PCDHGB6: variants seen among roughly 807,000 people sequenced by gnomAD.
PCDHGB6 encodes protocadherin gamma-B6.
In PCDHGB6, 51 loss-of-function variants were observed where a neutral mutation model predicts 59.1. The observed-to-expected ratio is 0.86, with a 90% CI of 0.69 to 1.09. The LOEUF is 1.09. Ranked by LOEUF, PCDHGB6 falls within the 50% of genes least tolerant of loss-of-function variation. The probability of loss-of-function intolerance (pLI) is 0.00; values close to 1 mark genes in which losing one functional copy is unlikely to be tolerated. For missense variants in PCDHGB6, 1,148 were observed against 1,205.1 expected, an observed-to-expected ratio of 0.95 and a Z score of 0.70; for synonymous variants, 466 against 495.1, an observed-to-expected ratio of 0.94 and a Z score of 0.78.
chr5:141,445,363 T>C (rs186841717), intron 1 of PCDHGB6, among the ~76,000 whole-genome samples: 9 of 152,284 alleles, frequency 5.9e-5, no homozygotes. Context: ...CCAAGTCTGG[T>C]CCTGGGTGGT....
rs1478890031 is a variant in PCDHGB6, at chr5:141,478,689, C to G, written c.2419-16118C>G. On this transcript the variant is annotated intron_variant, in intron 1 of 3. Coordinates refer to ENST00000520790, the MANE Select transcript of PCDHGB6 (RefSeq NM_018926.3). Reference sequence around the variant, plus strand: ...CACTTTCAACTGGCCCTTCCTAGATCAAAGTTAGTGCCTTTGTGAGATGGT... The same window carrying G: ...CACTTTCAACTGGCCCTTCCTAGATGAAAGTTAGTGCCTTTGTGAGATGGT... 3 of 1,550,866 alleles carry G rather than the reference C, an allele frequency of 1.9e-6. No homozygotes were observed. In the African/African-American group the frequency reaches 4.1e-5, roughly 21 times the overall value.
intron 1 of PCDHGB6, chr5:141,423,627 C>T (rs925883716): frequency 6.2e-7 from 1 of 1,604,886 alleles, no homozygotes; most frequent in African/African-American, 1.3e-5. Context: ...ACTCAGCTAT[C>T]ATTTTAGGCA....
chr5:141,497,211 G>C (rs914346878), intron 2 of PCDHGB6, among the ~76,000 whole-genome samples: 19 of 28,538 alleles, frequency 6.7e-4, no homozygotes, highest in African/African-American at 2.3e-3. Flanking sequence ...GAGTGTAATG[G>C]GGGGGGGAAG....
chr5:141,507,365 C>G (rs1279257057), intron 3 of PCDHGB6: 1 of 152,092 alleles, frequency 6.6e-6, no homozygotes, highest in African/African-American at 2.4e-5. Context: ...ACTGGGAGCC[C>G]TGTACTTTTA....
chr5:141,450,815 A>AT (rs1554136868), intron 1 of PCDHGB6, among the ~76,000 whole-genome samples: 4,329 of 126,688 alleles, frequency 0.034, 70 homozygotes, highest in Middle Eastern at 0.091. Flanking sequence ...TATTTATTTA[A>AT]TATTATTATT....
At chr5:141,415,737 A>G in intron 1 of PCDHGB6, 1 of 574,948 alleles carries the variant, frequency 1.7e-6, no homozygotes, top group Non-Finnish European at 2.5e-6. Flanking sequence ...GATGTTTATT[A>G]AGGTTTTTTT....
Position 141,449,530 on chromosome 5 carries a change from A to G in PCDHGB6, c.2418+38910A>G, listed in dbSNP as rs2098641850. On this transcript the variant is annotated intron_variant, in intron 1 of 3. Transcript: ENST00000520790. ...CTTGAACCTGGGAGGCGGAGGTTGC[A>G]GTGAGCCGAGATCGCACCACTGCAC... Among the ~76,000 whole-genome samples, 4 of 149,684 alleles carry G rather than the reference A, an allele frequency of 2.7e-5. No individual in the cohort carries two copies. The South Asian group carries it at 8.5e-4, about 32-fold the overall frequency.
At chr5:141,450,676 G>A (rs1174388119) in intron 1 of PCDHGB6, among the ~76,000 whole-genome samples, 5 of 151,796 alleles carry the variant, frequency 3.3e-5, no homozygotes, top group African/African-American at 7.3e-5. Flanking sequence ...TAGTAGAAAC[G>A]GGGTTTTGCC....
chr5:141,414,421 A>AGGGAACAG (rs1486483287), intron 1 of PCDHGB6: 1 of 1,613,776 alleles, frequency 6.2e-7, no homozygotes, highest in Non-Finnish European at 8.5e-7. Context: ...AGCCCTTGAC[A>AGGGAACAG]GGGAACAGGT....
intron 1 of PCDHGB6, among the ~76,000 whole-genome samples, chr5:141,444,395 T>A (rs960583048): frequency 1.3e-5 from 2 of 151,996 alleles, no homozygotes; most frequent in Non-Finnish European, 2.9e-5. Context: ...AGTCTTGAAC[T>A]CCCAACCTCA....
intron 1 of PCDHGB6, chr5:141,419,854 A>G: frequency 1.9e-6 from 3 of 1,614,078 alleles, no homozygotes; most frequent in Non-Finnish European, 2.5e-6. Flanking sequence ...TGGTGTTCGC[A>G]GATAGCTTGC....
At chr5:141,510,525 G>A (rs545854649) in intron 3 of PCDHGB6, among the ~76,000 whole-genome samples, 1 of 152,316 alleles carries the variant, frequency 6.6e-6, no homozygotes, top group African/African-American at 2.4e-5. Context: ...ACAGCCCTGA[G>A]AGAAATACCA....
rs750200042 is a variant in PCDHGB6, at chr5:141,418,821, C to A, written c.2418+8201C>A. On this transcript the variant is annotated intron_variant, in intron 1 of 3. Coordinates refer to ENST00000520790, the MANE Select transcript of PCDHGB6 (RefSeq NM_018926.3). ...GAAAGATATACGATAAACATAGAAG[C>A]AAAAGACCGAGGATCTCTCTCAACA... 8.1e-6 allele frequency: 13 copies of A among 1,613,846 alleles called. 1 individual carries two copies. The highest frequency in any genetic ancestry group is 1.6e-4 in the Middle Eastern group (1 of 6,062).
chr5:141,415,837 A>G (rs1232795581), intron 1 of PCDHGB6: 1 of 1,272,340 alleles, frequency 7.9e-7, no homozygotes, highest in Admixed American at 4.0e-5. Flanking sequence ...TGTTATGATT[A>G]GCTTTGCAGA....
chr5:141,485,866 C>T lies in PCDHGB6; in HGVS notation c.2419-8941C>T. The T allele has an allele frequency of 2.5e-6, 4 of 1,614,144 alleles. No individual in the cohort carries two copies. Among genetic ancestry groups the T allele is most frequent in the Non-Finnish European group, 3.4e-6 (4 of 1,180,014 alleles). On this transcript the variant is annotated intron_variant, in intron 1 of 3. Coordinates refer to ENST00000520790, the MANE Select transcript of PCDHGB6 (RefSeq NM_018926.3). The surrounding 1 kb of genome is among the most constrained non-coding windows in gnomAD (Gnocchi z 5.7). ...CTGGCACCGCAGAGCTCCGGGTATCCGTGCTGGACGTAAACGACAACGCCC... is the reference window on the plus strand; with the variant it reads ...CTGGCACCGCAGAGCTCCGGGTATCTGTGCTGGACGTAAACGACAACGCCC...
intron 1 of PCDHGB6, among the ~76,000 whole-genome samples, chr5:141,480,106 A>C (rs1466691134): frequency 6.6e-6 from 1 of 152,196 alleles, no homozygotes; most frequent in Non-Finnish European, 1.5e-5. Context: ...AGTGTTTAGC[A>C]TGGTGCCTGG....
intron 1 of PCDHGB6, chr5:141,418,778 T>C (rs1256260275): frequency 6.2e-7 from 1 of 1,613,744 alleles, no homozygotes; most frequent in Non-Finnish European, 8.5e-7. Context: ...TCAGCAGCCT[T>C]TGGATTTTGA....
intron 3 of PCDHGB6, among the ~76,000 whole-genome samples, chr5:141,508,646 G>A (rs1434098773): frequency 2.6e-5 from 4 of 152,014 alleles, no homozygotes; most frequent in African/African-American, 9.7e-5. Flanking sequence ...ACTCCGTCAG[G>A]CCCTTCCTGT....
chr5:141,427,999 T>A, intron 1 of PCDHGB6: 1 of 1,601,186 alleles, frequency 6.2e-7, no homozygotes, highest in Non-Finnish European at 8.5e-7. Context: ...GGCTCCGCAC[T>A]CTTCGATATA....
Sources: gnomAD v4.1 joint callset for allele counts (sites outside exome capture counted in the v4.1 genomes callset) on GRCh38, gnomAD v4.1.1 for gene constraint, Gnocchi (gnomAD v3.1) non-coding constraint, MANE v1.5 for transcripts, NCBI Gene and HGNC (gene_info 2026-07-23, HGNC 2026-07-21) for gene names.